Variants in DCHS2 observed in about 807,000 individuals in gnomAD.
The protein encoded by DCHS2 is protocadherin-23.
A neutral mutation model predicts 182.4 loss-of-function variants in DCHS2; 142 were observed. That is an observed-to-expected ratio of 0.78 (90% confidence interval 0.68 to 0.89). The LOEUF (loss-of-function observed/expected upper bound fraction) is 0.89, where lower values mean the gene tolerates loss of function less well. Among genes scored for constraint, DCHS2 ranks in the 40% least tolerant of loss-of-function variants. The pLI is 0.00. For synonymous variants in DCHS2, 1,740 were observed against 1,663.3 expected, an observed-to-expected ratio of 1.05 and a Z score of -1.12; for missense variants, 4,319 against 4,198.6, an observed-to-expected ratio of 1.03 and a Z score of -0.79.
rs115072151 is a variant in DCHS2, at chr4:154,461,685, T to A, written c.2052+27619A>T. 2.3e-3 allele frequency among the ~76,000 whole-genome samples: 344 copies of A among 152,320 alleles called. 2 individuals are homozygous for A. Among genetic ancestry groups the A allele is most frequent in the African/African-American group, 7.6e-3 (315 of 41,580 alleles). ...ACACTCTAAATATTATAGGTTTAAATCCATGTATTGTAAGAAGGGATAAAG... is the reference window on the plus strand; with the variant it reads ...ACACTCTAAATATTATAGGTTTAAAACCATGTATTGTAAGAAGGGATAAAG... On this transcript the variant is annotated intron_variant, in intron 1 of 19. Transcript: ENST00000357232.
In DCHS2 at chr4:154,237,156, G is replaced by A; in HGVS notation, c.7496C>T (p.Thr2499Ile). 1 of 1,603,754 alleles carries A rather than the reference G, an allele frequency of 6.2e-7. No homozygotes were observed. Among genetic ancestry groups the A allele is most frequent in the Non-Finnish European group, 8.5e-7 (1 of 1,176,512 alleles). The change falls in exon 20 of 20, where the codon ACA becomes ATA. Residue 2499 changes from threonine (T) to isoleucine (I), a missense_variant. Coordinates refer to ENST00000357232, the MANE Select transcript of DCHS2 (RefSeq NM_001358235.2). ...KEFSIDPKNG[T>I]IFTISPVLLL... is the part of the protein sequence containing the mutation. ...TAATACGGGACTGATAGTAAATATT[G>A]TGCCTGAAAAATAAGACATAGTATT...
intron 1 of DCHS2, among the ~76,000 whole-genome samples, chr4:154,410,574 C>CAAA (rs1160670540): frequency 5.9e-4 from 21 of 35,356 alleles, no homozygotes; most frequent in East Asian, 8.8e-4. Context: ...GACTCCATCT[C>CAAA]AAAAAAAAAA....
intron 13 of DCHS2, among the ~76,000 whole-genome samples, chr4:154,279,115 G>T (rs1182190994): frequency 2.0e-5 from 3 of 152,092 alleles, no homozygotes; most frequent in African/African-American, 7.2e-5. Context: ...ATGTGTTGGG[G>T]ATGTAAAGGA....
intron 14 of DCHS2, among the ~76,000 whole-genome samples, chr4:154,263,252 G>T (rs943159693): frequency 6.6e-6 from 1 of 152,006 alleles, no homozygotes; most frequent in Non-Finnish European, 1.5e-5. Flanking sequence ...TAGCATAAAA[G>T]ATGCATTTAA....
chr4:154,298,235 A>G lies in DCHS2; in HGVS notation c.6079T>C (p.Tyr2027His). 6.2e-7 allele frequency: 1 copy of G among 1,614,148 alleles called. No individual in the cohort carries two copies. Among genetic ancestry groups the G allele is most frequent in the Non-Finnish European group, 8.5e-7 (1 of 1,180,022 alleles). ...TCATTGTCATTAACATCAGTGACAT[A>G]TACTTTTATAATTACAGTGGTGCTT... Reference protein sequence around the residue: ...SRSTTVIIKVYVTDVNDNDPV... With the variant: ...SRSTTVIIKVHVTDVNDNDPV... Residue 2027 changes from tyrosine (Y) to histidine (H), a missense_variant, in exon 13 of 20, where the codon TAT becomes CAT. Physicochemically the swap from Tyr to His is moderately conservative, Grantham distance 83. Coordinates refer to ENST00000357232, the MANE Select transcript of DCHS2 (RefSeq NM_001358235.2).
intron 3 of DCHS2, among the ~76,000 whole-genome samples, chr4:154,346,573 T>C (rs1330206481): frequency 1.3e-5 from 2 of 150,018 alleles, no homozygotes; most frequent in African/African-American, 5.1e-5. Flanking sequence ...GAATTCTACC[T>C]AATTGCCCAT....
At chr4:154,391,090 T>C in intron 1 of DCHS2, 1 of 1,303,982 alleles carries the variant, frequency 7.7e-7, no homozygotes, top group Non-Finnish European at 1.1e-6. Context: ...TTGGCCAGTA[T>C]GAATCTCATA....
chr4:154,335,687 A>C (rs942071467), intron 3 of DCHS2, among the ~76,000 whole-genome samples: 7 of 152,150 alleles, frequency 4.6e-5, no homozygotes, highest in African/African-American at 7.2e-5. Context: ...ACACACACAC[A>C]CACATACATC....
At chr4:154,273,883 G>A (rs2111215043) in intron 13 of DCHS2, among the ~76,000 whole-genome samples, 1 of 152,266 alleles carries the variant, frequency 6.6e-6, no homozygotes, top group African/African-American at 2.4e-5. Context: ...TGGATAGGGA[G>A]TAAGGCTATA....
chr4:154,443,291 C>A (rs1327786909), intron 1 of DCHS2, among the ~76,000 whole-genome samples: 1 of 152,180 alleles, frequency 6.6e-6, no homozygotes, highest in Admixed American at 6.5e-5. Flanking sequence ...CTTACTAACA[C>A]AACCTCAAGT....
At chr4:154,357,293 A>T (rs1729916706) in intron 3 of DCHS2, 1 of 1,613,380 alleles carries the variant, frequency 6.2e-7, no homozygotes, top group African/African-American at 1.3e-5. Flanking sequence ...AGTTGACAGC[A>T]CTCAGAATTT....
intron 1 of DCHS2, among the ~76,000 whole-genome samples, chr4:154,395,195 C>T (rs1040104142): frequency 3.3e-5 from 5 of 152,140 alleles, no homozygotes; most frequent in South Asian, 2.1e-4. Context: ...TTATTAATAA[C>T]ATCATTAAGT....
At chr4:154,338,917 G>T (rs1728939234) in intron 3 of DCHS2, among the ~76,000 whole-genome samples, 1 of 152,052 alleles carries the variant, frequency 6.6e-6, no homozygotes, top group African/African-American at 2.4e-5. Context: ...GCAAACCAAT[G>T]GGATCTCTCC....
intron 7 of DCHS2, among the ~76,000 whole-genome samples, chr4:154,327,443 ACAAT>A (rs1206211138): frequency 2.6e-5 from 4 of 152,198 alleles, no homozygotes; most frequent in Admixed American, 2.6e-4. Flanking sequence ...TTCCATGCAG[ACAAT>A]CAAACTATCT....
chr4:154,347,190 G>A (rs896425659), intron 3 of DCHS2, among the ~76,000 whole-genome samples: 4 of 150,070 alleles, frequency 2.7e-5, no homozygotes, highest in African/African-American at 7.5e-5. Context: ...TGTTCTCAGT[G>A]CTAGGTTTAT....
At chr4:154,306,390 A>G (rs1426617048) in intron 10 of DCHS2, among the ~76,000 whole-genome samples, 3 of 152,130 alleles carry the variant, frequency 2.0e-5, no homozygotes, top group Non-Finnish European at 4.4e-5. Context: ...CTAAAGAGTC[A>G]TAGTGATTAT....
At position 154,235,512 on chromosome 4, in the gene DCHS2, C is replaced by G. The variant is rs1731428526; in HGVS notation, c.9140G>C (p.Ser3047Thr). The change falls in exon 20 of 20, where the codon AGT (serine) becomes ACT (threonine). Residue 3047 changes from serine (S) to threonine (T), a missense_variant. Coordinates refer to ENST00000357232, the MANE Select transcript of DCHS2 (RefSeq NM_001358235.2). ...DADLRVTRDA[S>T]VLKAFQKTDD... ...AGTTTTCTGGAAGGCTTTGAGCACA[C>G]TGGCATCCCGGGTCACTCTCAAGTC... is the stretch of plus-strand genomic sequence containing the variant. 3.1e-6 allele frequency: 5 copies of G among 1,614,002 alleles called. No individual in the cohort carries two copies. In the African/African-American group the frequency reaches 6.7e-5, roughly 22 times the overall value.
chr4:154,408,356 C>T (rs915519091), intron 1 of DCHS2, among the ~76,000 whole-genome samples: 3 of 152,170 alleles, frequency 2.0e-5, no homozygotes, highest in Non-Finnish European at 4.4e-5. Context: ...CACTGAAACT[C>T]TATCCAAGAA....
At chr4:154,329,854 T>C (rs1554007584) in intron 5 of DCHS2, 144 bp from the exon 6 acceptor site, 3 of 567,334 alleles carry the variant, frequency 5.3e-6, no homozygotes, top group Non-Finnish European at 8.2e-6. Flanking sequence ...TTTGGCTCTA[T>C]GGTACTGTTG....
Sources: allele counts gnomAD v4.1 joint callset (sites outside exome capture counted in the v4.1 genomes callset), GRCh38; gene constraint gnomAD v4.1.1; transcripts MANE v1.5; gene names NCBI Gene and HGNC (gene_info 2026-07-23, HGNC 2026-07-21).